The following GRK1 variants were observed in gnomAD, a reference collection of about 807,000 sequenced individuals.
GRK1 encodes rhodopsin kinase GRK1.
In GRK1, 28 loss-of-function variants were observed where a neutral mutation model predicts 41.7. That is an observed-to-expected ratio of 0.67 (90% CI 0.50 to 0.92). The LOEUF is 0.92. Ranked by LOEUF, GRK1 falls within the 40% of genes least tolerant of loss-of-function variation. The probability of loss-of-function intolerance (pLI) is 0.00; values close to 1 mark genes in which losing one functional copy is unlikely to be tolerated. For missense variants in GRK1, 703 were observed against 671.2 expected, an observed-to-expected ratio of 1.05 and a Z score of -0.52; for synonymous variants, 327 against 286.7, an observed-to-expected ratio of 1.14 and a Z score of -1.42.
In GRK1 at chr13:113,736,121, G is replaced by A. The variant is rs1361961733; in HGVS notation, c.*758G>A. ...CCTTATCTCAGGGTGTCCAGCTGACGGCAGCTGGTGCAAAGTTCCCACCCC... is the reference window on the plus strand; with the variant it reads ...CCTTATCTCAGGGTGTCCAGCTGACAGCAGCTGGTGCAAAGTTCCCACCCC... On this transcript the variant is annotated 3_prime_UTR_variant, in exon 7 of 7. Coordinates refer to ENST00000335678, the MANE Select transcript of GRK1 (RefSeq NM_002929.3). The A allele has an allele frequency of 2.0e-5, 3 of 152,246 alleles. No homozygotes were observed. Among genetic ancestry groups the A allele is most frequent in the African/African-American group, 4.8e-5 (2 of 41,448 alleles). The allele number at this position is 152,246 out of a possible 1,614,324, so 9.4% of individuals were successfully genotyped here.
intron 1 of GRK1, among the ~76,000 whole-genome samples, chr13:113,669,475 T>C (rs2049841685): frequency 6.6e-6 from 1 of 152,242 alleles, no homozygotes; most frequent in Non-Finnish European, 1.5e-5. Flanking sequence ...CCCCTGTATG[T>C]GAAGGAATTC....
chr13:113,667,195 GCCCCGGGCTC>G, upstream of GRK1: 1 of 588,722 alleles, frequency 1.7e-6, no homozygotes, highest in African/African-American at 1.9e-5. This position sits in a 1 kb window ranked among gnomAD's most constrained non-coding sequence, Gnocchi z 7.5. Context: ...TGCTGTGTCA[GCCCCGGGCTC>G]CCAGGGGCTT....
chr13:113,733,730 C>T (rs577139104), intron 6 of GRK1, among the ~76,000 whole-genome samples: 4,394 of 77,222 alleles, frequency 0.057, 284 homozygotes, highest in African/African-American at 0.17. Flanking sequence ...TGTGTGCGCG[C>T]GTGTGTATGT....
rs1360079866 is a variant in GRK1 at position 113,734,010 on chromosome 13, G to A, written c.1396+925G>A. 1.4e-4 allele frequency among the ~76,000 whole-genome samples: 18 copies of A among 132,214 alleles called. 1 individual carries two copies. Among genetic ancestry groups the A allele is most frequent in the African/African-American group, 3.8e-4 (10 of 26,022 alleles). 86.7% of individuals were successfully genotyped at this position (132,214 alleles called of 152,430 possible). On this transcript the variant is annotated intron_variant, in intron 6 of 6. Coordinates refer to ENST00000335678, the MANE Select transcript of GRK1 (RefSeq NM_002929.3). ...TGTGCATACATGTGTGTGCGTGTGC[G>A]TGCATGTGTGTGCGTGCGTGTGCGT...
At chr13:113,651,784 C>A in the GRK1 span, 1 of 1,583,752 alleles carries the variant, frequency 6.3e-7, no homozygotes, top group African/African-American at 1.3e-5. Flanking sequence ...ATGTGAGGTG[C>A]ACGGCACCCA....
chr13:113,652,776 C>A, the GRK1 span: 1 of 1,423,794 alleles, frequency 7.0e-7, no homozygotes, highest in South Asian at 1.2e-5. Context: ...CTTGGGCAAG[C>A]CCCAGACAGG....
chr13:113,655,760 C>T, the GRK1 span, among the ~76,000 whole-genome samples: 2 of 152,256 alleles, frequency 1.3e-5, no homozygotes, highest in Non-Finnish European at 2.9e-5. Context: ...GGGCCTCCTG[C>T]TCCTCCTCTC....
chr13:113,730,910 T>G (rs954885462), intron 4 of GRK1, among the ~76,000 whole-genome samples: 2 of 152,240 alleles, frequency 1.3e-5, no homozygotes, highest in Admixed American at 1.3e-4. Context: ...GCTGCCTCAG[T>G]GCAGCTACAG....
At chr13:113,651,195 A>T in the GRK1 span, among the ~76,000 whole-genome samples, 1 of 152,242 alleles carries the variant, frequency 6.6e-6, no homozygotes, top group Non-Finnish European at 1.5e-5. Flanking sequence ...CATTTAATTT[A>T]AAAAATTCAG....
At chr13:113,652,809 G>A in the GRK1 span, 1 of 1,564,034 alleles carries the variant, frequency 6.4e-7, no homozygotes, top group African/African-American at 1.4e-5. Flanking sequence ...CTCGTGGTGG[G>A]TGTGGGTGAG....
At chr13:113,733,778 CGTGTGTGCAT>C (rs1555361202) in intron 6 of GRK1, among the ~76,000 whole-genome samples, 1 of 89,450 alleles carries the variant, frequency 1.1e-5, no homozygotes, top group African/African-American at 4.6e-5. Context: ...TGTGTGCATA[CGTGTGTGCAT>C]GTGTGTATGT....
chr13:113,732,431 C>A (rs2049943919), intron 5 of GRK1, among the ~76,000 whole-genome samples: 1 of 151,108 alleles, frequency 6.6e-6, no homozygotes, highest in Non-Finnish European at 1.5e-5. Flanking sequence ...ATCCGGGGGC[C>A]TTGGGGACTG....
At chr13:113,657,939 G>T in the GRK1 span, 35 of 1,035,882 alleles carry the variant, frequency 3.4e-5, no homozygotes, top group African/African-American at 5.1e-4. Context: ...CACTGTCAGG[G>T]GCCCTCTGCT....
the GRK1 span, chr13:113,654,868 T>C: frequency 6.2e-7 from 1 of 1,614,184 alleles, no homozygotes; most frequent in Non-Finnish European, 8.5e-7. Context: ...ACTGTCTGCA[T>C]CAGCACATAG....
chr13:113,730,081 CGTG>C (rs2049924400), intron 4 of GRK1, among the ~76,000 whole-genome samples: 1 of 137,438 alleles, frequency 7.3e-6, no homozygotes, highest in African/African-American at 2.8e-5. Flanking sequence ...CCCCAGTCCC[CGTG>C]GCTGAGCCCA....
At chr13:113,653,088 C>A in the GRK1 span, 4 of 1,599,908 alleles carry the variant, frequency 2.5e-6, no homozygotes, top group Non-Finnish European at 2.6e-6. Flanking sequence ...GACGGACGCA[C>A]CTGCCAGCCC....
At chr13:113,729,724 G>T (rs1297641028) in intron 4 of GRK1, among the ~76,000 whole-genome samples, 1 of 152,158 alleles carries the variant, frequency 6.6e-6, no homozygotes, top group Non-Finnish European at 1.5e-5. Flanking sequence ...GTCCTGTGAC[G>T]GTCCCCACAG....
chr13:113,734,680 A>C (rs557198880), intron 6 of GRK1: 1 of 168,776 alleles, frequency 5.9e-6, no homozygotes, highest in Non-Finnish European at 1.3e-5. Context: ...TGGGGTCTGC[A>C]GAGTGCGCAG....
intron 6 of GRK1, among the ~76,000 whole-genome samples, chr13:113,733,934 ATACGTGTG>A (rs1173013391): frequency 1.0e-5 from 1 of 99,230 alleles, no homozygotes; most frequent in African/African-American, 4.1e-5. Context: ...GCATGTGTGC[ATACGTGTG>A]TGCGTGTGTG....
Sources: gnomAD v4.1 joint callset for allele counts (sites outside exome capture counted in the v4.1 genomes callset) on GRCh38, gnomAD v4.1.1 for gene constraint, Gnocchi (gnomAD v3.1) non-coding constraint, MANE v1.5 for transcripts, NCBI Gene and HGNC (gene_info 2026-07-23, HGNC 2026-07-21) for gene names.